ALK: variants seen among roughly 807,000 people sequenced by gnomAD.
ALK encodes the protein ALK tyrosine kinase receptor.
Under a neutral mutation model 163.1 loss-of-function variants are expected in ALK, and 74 were observed. That is an observed-to-expected ratio of 0.45 (90% CI 0.38 to 0.55). ALK has a LOEUF of 0.55. Among genes scored for constraint, ALK ranks in the 20% least tolerant of loss-of-function variants. ALK has a pLI of 0.00. For synonymous variants in ALK, 960 were observed against 843.2 expected, an observed-to-expected ratio of 1.14 and a Z score of -2.40; for missense variants, 2,063 against 2,105.3, an observed-to-expected ratio of 0.98 and a Z score of 0.39.
At chr2:29,237,412 A>G (rs1012526355) in intron 13 of ALK, among the ~76,000 whole-genome samples, 1 of 152,078 alleles carries the variant, frequency 6.6e-6, no homozygotes, top group Non-Finnish European at 1.5e-5. Flanking sequence ...ATCCAGCCCT[A>G]TTACCTCTGC....
At chr2:29,537,365 C>G (rs1469789762) in intron 3 of ALK, among the ~76,000 whole-genome samples, 3 of 152,234 alleles carry the variant, frequency 2.0e-5, no homozygotes, top group Admixed American at 1.3e-4. Context: ...TCCTTACATT[C>G]TGGCTGTACC....
chr2:29,387,156 GGA>G (rs1177415547), intron 4 of ALK, among the ~76,000 whole-genome samples: 1 of 152,124 alleles, frequency 6.6e-6, no homozygotes. Context: ...GGAAGTCAGG[GGA>G]CTGTATGGAC....
chr2:29,808,111 T>C (rs143574918), intron 1 of ALK, among the ~76,000 whole-genome samples: 86 of 152,352 alleles, frequency 5.6e-4, no homozygotes, highest in African/African-American at 2.1e-3. Flanking sequence ...TACTAAACCA[T>C]ATAAGGTTTC....
chr2:29,695,025 A>G lies in ALK; in HGVS notation c.788-11T>C. On this transcript the variant is annotated splice_polypyrimidine_tract_variant and intron_variant, in intron 2 of 28. Coordinates refer to ENST00000389048, the MANE Select transcript of ALK (RefSeq NM_004304.5). Reference sequence around the variant, plus strand: ...AGCTGCACTCCAGACCTGCAATAATAGCCAAGGGTCAATGGAAAAAACCAT... The same window carrying G: ...AGCTGCACTCCAGACCTGCAATAATGGCCAAGGGTCAATGGAAAAAACCAT... 1.9e-6 allele frequency: 3 copies of G among 1,614,030 alleles called. No individual in the cohort carries two copies. Among genetic ancestry groups the G allele is most frequent in the Non-Finnish European group, 2.5e-6 (3 of 1,179,946 alleles).
chr2:29,572,463 G>T (rs916870965), intron 3 of ALK, among the ~76,000 whole-genome samples: 1 of 152,172 alleles, frequency 6.6e-6, no homozygotes, highest in African/African-American at 2.4e-5. Context: ...TCCTGAGCAC[G>T]CCTGGCTCTC....
intron 11 of ALK, among the ~76,000 whole-genome samples, chr2:29,256,696 T>C (rs1054212938): frequency 6.7e-6 from 1 of 149,606 alleles, no homozygotes; most frequent in Non-Finnish European, 1.5e-5. Flanking sequence ...GCCCAAAGAG[T>C]AGGCAGGCCA....
intron 3 of ALK, among the ~76,000 whole-genome samples, chr2:29,616,783 C>A (rs1268781856): frequency 4.6e-5 from 7 of 152,220 alleles, no homozygotes; most frequent in Non-Finnish European, 7.3e-5. Flanking sequence ...ATCTGTAGCC[C>A]TTAAGCCAGT....
chr2:29,654,679 A>G (rs1208252776), intron 3 of ALK, among the ~76,000 whole-genome samples: 1 of 152,182 alleles, frequency 6.6e-6, no homozygotes, highest in East Asian at 1.9e-4. Flanking sequence ...GGTCTAATGT[A>G]ACTCTCCAGG....
chr2:29,580,697 G>C (rs1408898322), intron 3 of ALK, among the ~76,000 whole-genome samples: 1 of 152,240 alleles, frequency 6.6e-6, no homozygotes, highest in Non-Finnish European at 1.5e-5. Flanking sequence ...AACAGATGTG[G>C]AGCGGAAAAT....
chr2:29,274,674 G>A (rs1665482089), intron 11 of ALK, among the ~76,000 whole-genome samples: 1 of 152,222 alleles, frequency 6.6e-6, no homozygotes, highest in African/African-American at 2.4e-5. Flanking sequence ...AGCTTTGGGG[G>A]CTTTACCCAT....
intron 3 of ALK, among the ~76,000 whole-genome samples, chr2:29,659,061 T>C (rs1677273608): frequency 6.6e-6 from 1 of 152,080 alleles, no homozygotes; most frequent in African/African-American, 2.4e-5. Context: ...CTTAAAGAGA[T>C]GATGATGTTA....
At chr2:29,579,692 A>C (rs567041450) in intron 3 of ALK, among the ~76,000 whole-genome samples, 2 of 152,090 alleles carry the variant, frequency 1.3e-5, no homozygotes, top group African/African-American at 2.4e-5. Flanking sequence ...AAAACTGTCA[A>C]CTCATCAGAT....
intron 11 of ALK, among the ~76,000 whole-genome samples, chr2:29,253,435 AAAG>A (rs1558639694): frequency 1.3e-5 from 2 of 152,142 alleles, no homozygotes; most frequent in Admixed American, 1.3e-4. Context: ...TGACATATTA[AAAG>A]AAGCAAAGGG....
chr2:29,429,115 G>C (rs182769025), intron 4 of ALK, among the ~76,000 whole-genome samples: 127 of 151,958 alleles, frequency 8.4e-4, no homozygotes, highest in African/African-American at 2.9e-3. Context: ...AGCTAATAAA[G>C]GGCATCTACA....
At chr2:29,254,279 T>C (rs1041400184) in intron 11 of ALK, among the ~76,000 whole-genome samples, 2 of 149,082 alleles carry the variant, frequency 1.3e-5, no homozygotes, top group Admixed American at 1.4e-4. Flanking sequence ...CTAATACATA[T>C]ATGAATACAT....
At chr2:29,476,629 G>T (rs1366083777) in intron 4 of ALK, among the ~76,000 whole-genome samples, 1 of 152,056 alleles carries the variant, frequency 6.6e-6, no homozygotes, top group Non-Finnish European at 1.5e-5. Context: ...GGAGTTTCCC[G>T]GTGGAGAAGG....
intron 4 of ALK, among the ~76,000 whole-genome samples, chr2:29,387,899 G>A (rs1669070726): frequency 6.6e-6 from 1 of 152,134 alleles, no homozygotes; most frequent in Non-Finnish European, 1.5e-5. Context: ...AGCACAAGAG[G>A]CAATGCAACC....
intron 6 of ALK, among the ~76,000 whole-genome samples, chr2:29,328,140 T>C (rs1667328795): frequency 6.6e-6 from 1 of 152,206 alleles, no homozygotes; most frequent in South Asian, 2.1e-4. Flanking sequence ...TGTTTGGTTC[T>C]TGACTTATAT....
chr2:29,201,602 C>T (rs757090210), intron 26 of ALK, among the ~76,000 whole-genome samples: 8 of 152,028 alleles, frequency 5.3e-5, no homozygotes, highest in Non-Finnish European at 8.8e-5. Context: ...GCCTGGCCAA[C>T]GTGGTGAAAT....
Sources: gnomAD v4.1 joint callset for allele counts (sites outside exome capture counted in the v4.1 genomes callset) on GRCh38, gnomAD v4.1.1 for gene constraint, MANE v1.5 for transcripts, NCBI Gene and HGNC (gene_info 2026-07-23, HGNC 2026-07-21) for gene names.